Variants in CDYL2 observed in about 807,000 individuals in gnomAD.
The protein encoded by CDYL2 is chromodomain Y-like protein 2.
In CDYL2, 23 loss-of-function variants were observed where a neutral mutation model predicts 49.4. That is an observed-to-expected ratio of 0.47 (90% CI 0.34 to 0.66). CDYL2 has a LOEUF of 0.66. Ranked by LOEUF, CDYL2 falls within the 30% of genes least tolerant of loss-of-function variation. The pLI is 0.01. For synonymous variants in CDYL2, 360 were observed against 268.8 expected, an observed-to-expected ratio of 1.34 and a Z score of -3.32; for missense variants, 678 against 656.4, an observed-to-expected ratio of 1.03 and a Z score of -0.36.
At chr16:80,625,354 C>G (rs1430833352) in intron 3 of CDYL2, among the ~76,000 whole-genome samples, 1 of 152,218 alleles carries the variant, frequency 6.6e-6, no homozygotes, top group Non-Finnish European at 1.5e-5. Flanking sequence ...GTTTGTGTCA[C>G]TCTGACAGAT....
At position 80,612,864 on chromosome 16, in the gene CDYL2, C is replaced by G. The variant is rs111829728; in HGVS notation, c.1008-28G>C. 7,668 of 1,578,302 alleles carry G rather than the reference C, an allele frequency of 4.9e-3. 25 individuals carry two copies. Among genetic ancestry groups the G allele is most frequent in the Non-Finnish European group, 6.2e-3 (7,194 of 1,159,298 alleles). On this transcript the variant is annotated intron_variant, in intron 4 of 6. Coordinates refer to ENST00000570137, the MANE Select transcript of CDYL2 (RefSeq NM_152342.4). The surrounding 1 kb of genome is among the most constrained non-coding windows in gnomAD (Gnocchi z 5.0). The stretch of plus-strand genomic sequence containing the variant: ...GGGAGAGAAAGAAGATCCTCTTGAA[C>G]AGGTGACTATAGCATGCTAAGCCCC...
chr16:80,768,131 G>C (rs1434972125), intron 1 of CDYL2, among the ~76,000 whole-genome samples: 2 of 152,176 alleles, frequency 1.3e-5, no homozygotes, highest in Admixed American at 1.3e-4. Context: ...TTGAACCCTA[G>C]CCTGATGACT....
In CDYL2 at chr16:80,650,565, C is replaced by T. The variant is rs117342818; in HGVS notation, c.617-17329G>A. 6.2e-3 allele frequency among the ~76,000 whole-genome samples: 943 copies of T among 152,194 alleles called. 18 individuals carry two copies. The highest frequency in any genetic ancestry group is 0.038 in the East Asian group (196 of 5,178). On this transcript the variant is annotated intron_variant, in intron 2 of 6. Transcript: ENST00000570137. ...CACTATGCAAAACAGTTGGATGGTT[C>T]CTCAAAAAACTAAAAATAGAAATAC...
intron 1 of CDYL2, among the ~76,000 whole-genome samples, chr16:80,802,035 C>T: frequency 7.2e-6 from 1 of 138,558 alleles, no homozygotes; most frequent in South Asian, 2.2e-4. Flanking sequence ...TTATTATTGT[C>T]CTCCTTAACT....
chr16:80,620,213 C>T (rs73590502), intron 4 of CDYL2, among the ~76,000 whole-genome samples: 1 of 152,226 alleles, frequency 6.6e-6, no homozygotes. Context: ...ATTGTTGGGA[C>T]TGGATGTCAC....
At chr16:80,698,275 C>A (rs2142496656) in intron 1 of CDYL2, among the ~76,000 whole-genome samples, 1 of 152,248 alleles carries the variant, frequency 6.6e-6, no homozygotes, top group East Asian at 1.9e-4. Context: ...AACTAAAAAG[C>A]TTCTGTACGT....
intron 1 of CDYL2, among the ~76,000 whole-genome samples, chr16:80,793,927 G>T (rs969970105): frequency 2.6e-5 from 4 of 152,040 alleles, no homozygotes; most frequent in African/African-American, 9.7e-5. Context: ...ATTTCTTTCT[G>T]CATTTGGTTG....
intron 2 of CDYL2, among the ~76,000 whole-genome samples, chr16:80,645,025 C>T (rs1436704747): frequency 6.6e-6 from 1 of 152,092 alleles, no homozygotes; most frequent in African/African-American, 2.4e-5. Context: ...AGACCTAAAA[C>T]CATAAAAACC....
At chr16:80,606,098 G>A (rs945285763) in intron 6 of CDYL2, among the ~76,000 whole-genome samples, 1 of 152,186 alleles carries the variant, frequency 6.6e-6, no homozygotes, top group Admixed American at 6.5e-5. Flanking sequence ...GAAGCAAGAT[G>A]GCAGCTCCCT....
intron 1 of CDYL2, chr16:80,736,378 C>A (rs903334418): frequency 3.9e-5 from 6 of 152,254 alleles, no homozygotes; most frequent in Non-Finnish European, 7.3e-5. Context: ...CAGCATTCAA[C>A]AGACTAAGCA....
chr16:80,604,508 C>T lies in CDYL2; in HGVS notation c.1401G>A (p.Leu467=). ...EESKCLVRSF[L]KSVLEDVNEK... is the part of the protein sequence containing the mutation. ...CGTTCACGTCTTCCAGCACTGATTT[C>T]AGGAAGCTCCGCACGAGGCATTTGG... is the stretch of plus-strand genomic sequence containing the variant. Residue 467 remains leucine (L), a synonymous_variant, in exon 7 of 7, where the codon CTG becomes CTA. Transcript: ENST00000570137. 6.2e-7 allele frequency: 1 copy of T among 1,614,186 alleles called. No individual in the cohort carries two copies. Among genetic ancestry groups the T allele is most frequent in the Non-Finnish European group, 8.5e-7 (1 of 1,180,030 alleles).
chr16:80,647,377 A>T (rs1273133712), intron 2 of CDYL2, among the ~76,000 whole-genome samples: 1 of 152,198 alleles, frequency 6.6e-6, no homozygotes, highest in Non-Finnish European at 1.5e-5. Context: ...TGGAACTGTG[A>T]AAGACCCAGA....
intron 2 of CDYL2, among the ~76,000 whole-genome samples, chr16:80,682,690 C>T (rs754989480): frequency 5.3e-5 from 8 of 152,194 alleles, no homozygotes; most frequent in Non-Finnish European, 1.0e-4. Flanking sequence ...AGAGCCTTGC[C>T]CCTGCACCCA....
chr16:80,675,515 C>T (rs192965776), intron 2 of CDYL2, among the ~76,000 whole-genome samples: 3 of 152,284 alleles, frequency 2.0e-5, no homozygotes, highest in African/African-American at 7.2e-5. Flanking sequence ...CCGCTGCCAC[C>T]ATTATCATCA....
intron 2 of CDYL2, among the ~76,000 whole-genome samples, chr16:80,661,210 A>C (rs1909029637): frequency 6.6e-6 from 1 of 152,164 alleles, no homozygotes; most frequent in East Asian, 1.9e-4. Flanking sequence ...AGATCGCTGA[A>C]GGATGCTATC....
intron 2 of CDYL2, among the ~76,000 whole-genome samples, chr16:80,649,670 C>A (rs543987698): frequency 6.6e-6 from 1 of 152,006 alleles, no homozygotes; most frequent in Non-Finnish European, 1.5e-5. Flanking sequence ...CTATCCTAAG[C>A]AAAAAGAACA....
intron 1 of CDYL2, among the ~76,000 whole-genome samples, chr16:80,725,639 A>C (rs1905139455): frequency 6.6e-6 from 1 of 152,230 alleles, no homozygotes; most frequent in African/African-American, 2.4e-5. Flanking sequence ...AGCTACATGC[A>C]GAAGTTCCAG....
rs117940758 is a variant in CDYL2 at position 80,607,135 on chromosome 16, C to T, written c.1362+957G>A. Among the ~76,000 whole-genome samples the T allele has an allele frequency of 9.9e-4, 150 of 152,196 alleles. 2 individuals carry two copies. In the East Asian group the frequency reaches 0.024, roughly 25 times the overall value. ...TCCACGTGAAGAGATCAGAAATGCT[C>T]GTGGCCCGCGTGAGTGTTGACTAAC... On this transcript the variant is annotated intron_variant, in intron 6 of 6. Transcript: ENST00000570137.
intron 3 of CDYL2, among the ~76,000 whole-genome samples, chr16:80,630,692 C>G (rs1342557308): frequency 6.6e-6 from 1 of 152,102 alleles, no homozygotes; most frequent in African/African-American, 2.4e-5. Context: ...GAAGGGGCAG[C>G]ACACAACCAC....
Sources: allele counts gnomAD v4.1 joint callset (sites outside exome capture counted in the v4.1 genomes callset), GRCh38; gene constraint gnomAD v4.1.1; non-coding constraint Gnocchi (gnomAD v3.1); transcripts MANE v1.5; gene names NCBI Gene and HGNC (gene_info 2026-07-23, HGNC 2026-07-21).